Variants in LRRFIP1 observed in about 807,000 individuals in gnomAD.
The protein encoded by LRRFIP1 is leucine-rich repeat flightless-interacting protein 1.
LRRFIP1 carries 62 observed loss-of-function variants against 104.4 expected under a neutral mutation model. The ratio of observed to expected loss-of-function variants is 0.59; its 90% CI spans 0.48 to 0.73. LRRFIP1 has a LOEUF of 0.73. Among genes scored for constraint, LRRFIP1 ranks in the 30% least tolerant of loss-of-function variants. LRRFIP1 has a pLI of 0.00. For synonymous variants in LRRFIP1, 300 were observed against 299.0 expected (o/e 1.00, Z -0.03); for missense variants, 796 against 824.5 (o/e 0.97, Z 0.42).
Position 237,627,736 on chromosome 2 carries a change from G to A in LRRFIP1, c.92G>A (p.Arg31Gln), listed in dbSNP as rs1162946907. The A allele has an allele frequency of 6.9e-6, 9 of 1,301,846 alleles. No individual in the cohort carries two copies. The highest frequency in any genetic ancestry group is 8.8e-6 in the Non-Finnish European group (9 of 1,017,834). The allele number at this position is 1,301,846 out of a possible 1,614,324, so 80.6% of individuals were successfully genotyped here. Residue 31 changes from arginine (R) to glutamine (Q), a missense_variant, in exon 1 of 24, where the codon CGG becomes CAG. Physicochemically the swap from Arg to Gln is conservative, Grantham distance 43 (BLOSUM62 1). Coordinates refer to ENST00000308482, the MANE Select transcript of LRRFIP1 (RefSeq NM_001137550.2). ...AEDDALNQIAREAEARLAAKR... is the reference protein window; with the variant it reads ...AEDDALNQIAQEAEARLAAKR... ...GACGACGCGCTCAACCAGATCGCGC[G>A]GGAGGTGAGCGCTCCGGGAGGGCAG...
At chr2:237,758,995 A>C (rs764591298) in intron 18 of LRRFIP1, among the ~76,000 whole-genome samples, 174 bp downstream of exon 18, 2 of 152,230 alleles carry the variant, frequency 1.3e-5, no homozygotes, top group Admixed American at 6.5e-5. Context: ...AAATAAATGT[A>C]GGTTCAGTGG....
intron 1 of LRRFIP1, among the ~76,000 whole-genome samples, chr2:237,651,556 G>A (rs1343578627): frequency 6.6e-6 from 1 of 152,082 alleles, no homozygotes; most frequent in Non-Finnish European, 1.5e-5. Context: ...GGAAACCAAG[G>A]CACTGGATCA....
chr2:237,630,883 T>G (rs113375209), intron 1 of LRRFIP1, among the ~76,000 whole-genome samples: 41 of 152,366 alleles, frequency 2.7e-4, no homozygotes, highest in African/African-American at 8.4e-4. Context: ...GGGCTGCCAC[T>G]GTGGAGCCCA....
At chr2:237,748,941 A>G (rs114561222) in intron 12 of LRRFIP1, among the ~76,000 whole-genome samples, 4,832 of 152,312 alleles carry the variant, frequency 0.032, 93 homozygotes, top group Middle Eastern at 0.12. Context: ...TGAAAAGGGA[A>G]GCAGGCACCT....
At chr2:237,689,876 G>A (rs1461297168) in intron 1 of LRRFIP1, among the ~76,000 whole-genome samples, 1 of 152,224 alleles carries the variant, frequency 6.6e-6, no homozygotes, top group Non-Finnish European at 1.5e-5. Flanking sequence ...CACCCTGACT[G>A]TGCCCAGCGG....
chr2:237,647,214 ACAGTGAC>A (rs2085070350), intron 1 of LRRFIP1, among the ~76,000 whole-genome samples: 1 of 151,974 alleles, frequency 6.6e-6, no homozygotes, highest in South Asian at 2.1e-4. Context: ...CCATAGGCCT[ACAGTGAC>A]CACAGCTTCT....
At chr2:237,769,545 G>A in intron 19 of LRRFIP1, 1 of 203,150 alleles carries the variant, frequency 4.9e-6, no homozygotes, top group Non-Finnish European at 1.0e-5. Context: ...AACTCGGAAA[G>A]GCGAGGCTGT....
At chr2:237,678,503 A>G (rs930963834) in intron 1 of LRRFIP1, among the ~76,000 whole-genome samples, 1 of 151,778 alleles carries the variant, frequency 6.6e-6, no homozygotes, top group Non-Finnish European at 1.5e-5. Context: ...TTATCCTGAA[A>G]CTATTTTTTT....
chr2:237,745,490 T>C (rs2057718340), intron 11 of LRRFIP1, among the ~76,000 whole-genome samples: 1 of 152,014 alleles, frequency 6.6e-6, no homozygotes. Flanking sequence ...CAAACTATGG[T>C]TTTTGGGGTT....
intron 2 of LRRFIP1, among the ~76,000 whole-genome samples, chr2:237,713,691 A>G (rs73099100): frequency 0.014 from 2,151 of 152,354 alleles, 52 homozygotes; most frequent in African/African-American, 0.049. Context: ...GATTACTACA[A>G]AATTAAAAGA....
chr2:237,639,120 G>A (rs1176721714), intron 1 of LRRFIP1, among the ~76,000 whole-genome samples: 1 of 152,222 alleles, frequency 6.6e-6, no homozygotes, highest in African/African-American at 2.4e-5. Context: ...AAATGGTGGT[G>A]GTCGTTTGCT....
At position 237,692,273 on chromosome 2, in the gene LRRFIP1, C is replaced by T. The variant is rs555258411; in HGVS notation, c.97-16271C>T. 5.1e-4 allele frequency: 593 copies of T among 1,168,270 alleles called. 1 individual carries two copies. The African/African-American group carries it at 8.4e-3, about 16-fold the overall frequency. 72.4% of individuals were successfully genotyped at this position (1,168,270 alleles called of 1,614,324 possible). The stretch of plus-strand genomic sequence containing the variant: ...CCCGCCCCTGTCGGCCGCGCCCGAG[C>T]CCAGCGCCGCGAGCCGCTCCCCGGC... On this transcript the variant is annotated intron_variant, in intron 1 of 23. Coordinates refer to ENST00000308482, the MANE Select transcript of LRRFIP1 (RefSeq NM_001137550.2).
At chr2:237,716,919 G>A (rs529462477) in intron 3 of LRRFIP1, among the ~76,000 whole-genome samples, 1 of 152,330 alleles carries the variant, frequency 6.6e-6, no homozygotes, top group South Asian at 2.1e-4. Context: ...GCTAAAGCAA[G>A]CTTGTCCAAC....
intron 1 of LRRFIP1, among the ~76,000 whole-genome samples, chr2:237,637,294 C>T (rs2083253647): frequency 6.6e-6 from 1 of 152,052 alleles, no homozygotes; most frequent in African/African-American, 2.4e-5. Context: ...ATGGTGAAAC[C>T]CCATCTCTAC....
intron 4 of LRRFIP1, among the ~76,000 whole-genome samples, 182 bp from the exon 5 acceptor site, chr2:237,719,340 GA>G (rs540481411): frequency 1.3e-5 from 2 of 152,006 alleles, no homozygotes; most frequent in Non-Finnish European, 2.9e-5. Flanking sequence ...TCCCACCCCA[GA>G]AAAAAACATT....
At chr2:237,750,120 G>A (rs1210240022) in intron 13 of LRRFIP1, among the ~76,000 whole-genome samples, 1 of 152,134 alleles carries the variant, frequency 6.6e-6, no homozygotes, top group Admixed American at 6.5e-5. Flanking sequence ...TGTCTGAGCA[G>A]CTGGATGGCC....
chr2:237,749,281 C>T lies in LRRFIP1; in HGVS notation c.752C>T (p.Thr251Ile). Residue 251 changes from threonine (T) to isoleucine (I), a missense_variant, in exon 13 of 24, where the codon ACC becomes ATC. Thr to Ile is a moderately conservative substitution (Grantham distance 89). Coordinates refer to ENST00000308482, the MANE Select transcript of LRRFIP1 (RefSeq NM_001137550.2). ...TCCTCTCGGAGAGGCAGCGGAGACA[C>T]CTCCATCTCCATCGACACCGAGGCA... ...GTSSRRGSGD[T>I]SISIDTEASI... 1.2e-6 allele frequency: 2 copies of T among 1,613,768 alleles called. No homozygotes were observed. The highest frequency in any genetic ancestry group is 2.2e-5 in the South Asian group (2 of 91,046).
At chr2:237,637,046 TC>T (rs1465048127) in intron 1 of LRRFIP1, among the ~76,000 whole-genome samples, 4 of 152,226 alleles carry the variant, frequency 2.6e-5, no homozygotes, top group Non-Finnish European at 5.9e-5. Context: ...ACCTCTAGTG[TC>T]TACACAGCTC....
intron 1 of LRRFIP1, among the ~76,000 whole-genome samples, chr2:237,634,124 T>C (rs548769335): frequency 5.9e-5 from 9 of 152,352 alleles, no homozygotes; most frequent in South Asian, 4.1e-4. Context: ...ACTTCTCTGA[T>C]AAAAACTTTC....
Sources: gnomAD v4.1 joint callset for allele counts (sites outside exome capture counted in the v4.1 genomes callset) on GRCh38, gnomAD v4.1.1 for gene constraint, MANE v1.5 for transcripts, NCBI Gene and HGNC (gene_info 2026-07-23, HGNC 2026-07-21) for gene names.